WDFY2: variants seen among roughly 807,000 people sequenced by gnomAD.
The protein encoded by WDFY2 is WD repeat and FYVE domain-containing protein 2.
Under a neutral mutation model 56.4 loss-of-function variants are expected in WDFY2, and 36 were observed. The ratio of observed to expected loss-of-function variants is 0.64; its 90% confidence interval spans 0.49 to 0.84. The LOEUF is 0.84. Among genes scored for constraint, WDFY2 ranks in the 40% least tolerant of loss-of-function variants. The pLI is 0.00. For missense variants in WDFY2, 444 were observed against 512.2 expected, an observed-to-expected ratio of 0.87 and a Z score of 1.29; for synonymous variants, 176 against 183.7, an observed-to-expected ratio of 0.96 and a Z score of 0.34.
rs556073569 is a variant in WDFY2, at chr13:51,726,857, C to T, written c.486-821C>T. 2.0e-5 allele frequency among the ~76,000 whole-genome samples: 3 copies of T among 152,214 alleles called. No homozygotes were observed. In the East Asian group the frequency reaches 5.8e-4, roughly 29 times the overall value. On this transcript the variant is annotated intron_variant, in intron 5 of 11. Transcript: ENST00000298125. ...TTTGGGATCCTTTTCTTCTTGATTG[C>T]TCTTTTTATATTAGAGATTTGGGCC...
chr13:51,731,417 G>A (rs1476133840), intron 6 of WDFY2, among the ~76,000 whole-genome samples: 1 of 152,210 alleles, frequency 6.6e-6, no homozygotes, highest in African/African-American at 2.4e-5. Context: ...CTTTCTTAAA[G>A]AGTTTAAAGC....
chr13:51,739,809 C>T (rs1020076566), intron 7 of WDFY2, among the ~76,000 whole-genome samples: 2 of 152,182 alleles, frequency 1.3e-5, no homozygotes, highest in Non-Finnish European at 2.9e-5. Flanking sequence ...CCGTCCAGAG[C>T]GGTGTGGATC....
chr13:51,642,623 C>T (rs1955189399), intron 1 of WDFY2, among the ~76,000 whole-genome samples: 1 of 150,040 alleles, frequency 6.7e-6, no homozygotes, highest in Non-Finnish European at 1.5e-5. Flanking sequence ...ATAACATTCT[C>T]AACCAGAATA....
chr13:51,630,622 T>C (rs1159474889), intron 1 of WDFY2, among the ~76,000 whole-genome samples: 1 of 152,124 alleles, frequency 6.6e-6, no homozygotes, highest in African/African-American at 2.4e-5. Flanking sequence ...TTCACCCAGT[T>C]GATGAGGGGT....
intron 9 of WDFY2, 136 bp downstream of exon 9, chr13:51,755,595 A>G: frequency 1.3e-6 from 1 of 778,024 alleles, no homozygotes; most frequent in Admixed American, 2.2e-5. Flanking sequence ...TCGTGATTGC[A>G]CAGTAATTTA....
At chr13:51,660,712 A>T (rs770833375) in intron 2 of WDFY2, 49 bp downstream of exon 2, 3 of 1,545,954 alleles carry the variant, frequency 1.9e-6, no homozygotes, top group Non-Finnish European at 2.7e-6. Flanking sequence ...TCCTTCCCAG[A>T]TTGCCTTCTC....
chr13:51,757,950 C>T (rs954684940), intron 10 of WDFY2, among the ~76,000 whole-genome samples: 3 of 151,932 alleles, frequency 2.0e-5, no homozygotes, highest in Admixed American at 2.0e-4. Context: ...ATTGGAGCAA[C>T]ATTCTCCAGA....
chr13:51,705,147 C>T (rs1952056988), intron 4 of WDFY2, among the ~76,000 whole-genome samples: 1 of 152,152 alleles, frequency 6.6e-6, no homozygotes, highest in Non-Finnish European at 1.5e-5. Context: ...TTGTCAACAG[C>T]CAGTAAGGGA....
At chr13:51,758,079 A>T in intron 10 of WDFY2, 113 bp from the exon 11 acceptor site, 1 of 541,964 alleles carries the variant, frequency 1.8e-6, no homozygotes, top group Non-Finnish European at 3.3e-6. Context: ...CATTCCTGTC[A>T]GTGAAGCAGT....
At chr13:51,653,391 T>G (rs559276083) in intron 1 of WDFY2, among the ~76,000 whole-genome samples, 36 of 152,358 alleles carry the variant, frequency 2.4e-4, no homozygotes, top group Admixed American at 1.5e-3. Context: ...ATCTGAAGCC[T>G]TCTCTCAACT....
intron 1 of WDFY2, among the ~76,000 whole-genome samples, chr13:51,644,387 A>G (rs377311658): frequency 7.2e-5 from 11 of 152,296 alleles, no homozygotes; most frequent in Middle Eastern, 3.4e-3. Flanking sequence ...CACCTGGTAT[A>G]TGGGTCCAAT....
chr13:51,664,600 G>A (rs888124390), intron 2 of WDFY2, among the ~76,000 whole-genome samples: 1 of 152,190 alleles, frequency 6.6e-6, no homozygotes, highest in Non-Finnish European at 1.5e-5. Context: ...CTGCCTTTGA[G>A]CTCAAAAGAT....
intron 7 of WDFY2, among the ~76,000 whole-genome samples, chr13:51,746,060 T>A (rs1001555266): frequency 9.7e-5 from 14 of 144,408 alleles, no homozygotes; most frequent in Non-Finnish European, 2.0e-4. Flanking sequence ...CACTGCAATC[T>A]CCACCTCCAG....
intron 1 of WDFY2, among the ~76,000 whole-genome samples, chr13:51,620,835 C>G (rs888527156): frequency 1.3e-5 from 2 of 152,158 alleles, no homozygotes; most frequent in African/African-American, 4.8e-5. Context: ...CTCACCCGGT[C>G]AGCACTGCTT....
In WDFY2 at chr13:51,614,729, G is replaced by A. The variant is rs774266428; in HGVS notation, c.137+29905G>A. On this transcript the variant is annotated intron_variant, in intron 1 of 11. Transcript: ENST00000298125. Reference sequence around the variant, plus strand: ...CCAAAACTGTGTCACATTGCCACCCGTAGCTGGAGACAAGGCTGGGAAATG... The same window carrying A: ...CCAAAACTGTGTCACATTGCCACCCATAGCTGGAGACAAGGCTGGGAAATG... Among the ~76,000 whole-genome samples, 7 of 152,204 alleles carry A rather than the reference G, an allele frequency of 4.6e-5. No individual in the cohort carries two copies. In the South Asian group the frequency reaches 6.2e-4, roughly 13 times the overall value.
chr13:51,748,498 G>GT (rs1400850153), intron 7 of WDFY2, among the ~76,000 whole-genome samples: 1 of 152,170 alleles, frequency 6.6e-6, no homozygotes, highest in Admixed American at 6.5e-5. Context: ...GAGCACAGGT[G>GT]TTTAAGAAGC....
chr13:51,737,886 C>T (rs904233662), intron 6 of WDFY2, among the ~76,000 whole-genome samples: 1 of 152,120 alleles, frequency 6.6e-6, no homozygotes, highest in Non-Finnish European at 1.5e-5. Flanking sequence ...GGAGTGTATA[C>T]CAGCAGCATG....
intron 8 of WDFY2, 142 bp downstream of exon 8, chr13:51,751,557 G>A (rs1426130874): frequency 6.0e-6 from 5 of 831,404 alleles, no homozygotes; most frequent in South Asian, 1.6e-5. Context: ...AGTTGTTTGG[G>A]TTGTTTTTTT....
chr13:51,684,368 GT>G (rs79338211), intron 3 of WDFY2, among the ~76,000 whole-genome samples: 2,979 of 135,206 alleles, frequency 0.022, 71 homozygotes, highest in African/African-American at 0.061. Flanking sequence ...AGTATTTGGT[GT>G]TTTTTTTTTT....
Sources: gnomAD v4.1 joint callset for allele counts (sites outside exome capture counted in the v4.1 genomes callset) on GRCh38, gnomAD v4.1.1 for gene constraint, MANE v1.5 for transcripts, NCBI Gene and HGNC (gene_info 2026-07-23, HGNC 2026-07-21) for gene names.